The following DAAM2 variants were observed in gnomAD, a reference collection of about 807,000 sequenced individuals.
DAAM2 encodes the protein disheveled-associated activator of morphogenesis 2.
DAAM2 carries 39 observed loss-of-function variants against 120.7 expected under a neutral mutation model. That is an observed-to-expected ratio of 0.32 (90% CI 0.25 to 0.42). The LOEUF is 0.42. DAAM2 is among the 10% of genes least tolerant of loss of function. The pLI, the probability that DAAM2 is intolerant of heterozygous loss-of-function variation, is 1.00. For synonymous variants in DAAM2, 488 were observed against 524.9 expected (o/e 0.93, Z 0.96); for missense variants, 1,283 against 1,401.7 (o/e 0.92, Z 1.35).
At chr6:39,808,574 A>T (rs893224287) in intron 1 of DAAM2, among the ~76,000 whole-genome samples, 1 of 152,268 alleles carries the variant, frequency 6.6e-6, no homozygotes, top group Non-Finnish European at 1.5e-5. Flanking sequence ...CAATGAAGCC[A>T]TGCTGACTTC....
chr6:39,809,965 A>G (rs889531165), intron 1 of DAAM2, among the ~76,000 whole-genome samples: 3 of 152,190 alleles, frequency 2.0e-5, no homozygotes, highest in Non-Finnish European at 4.4e-5. Context: ...CTTCTTTAGA[A>G]TGGAACCTTT....
chr6:39,833,654 A>T (rs1328391590), intron 1 of DAAM2, among the ~76,000 whole-genome samples: 1 of 152,116 alleles, frequency 6.6e-6, no homozygotes, highest in East Asian at 1.9e-4. Flanking sequence ...AGACATCATT[A>T]CCTTGTATCA....
chr6:39,801,106 C>T (rs1347003120), intron 1 of DAAM2, among the ~76,000 whole-genome samples: 1 of 152,100 alleles, frequency 6.6e-6, no homozygotes, highest in Non-Finnish European at 1.5e-5. Context: ...CATGTTAAGT[C>T]CCTGGCACAG....
intron 3 of DAAM2, among the ~76,000 whole-genome samples, chr6:39,863,376 A>C (rs769044308): frequency 6.6e-6 from 1 of 152,160 alleles, no homozygotes; most frequent in Non-Finnish European, 1.5e-5. Context: ...AACCATGTGA[A>C]GTCATAAAGA....
Position 39,888,701 on chromosome 6 carries a change from A to C in DAAM2, c.2083A>C (p.Ile695Leu), listed in dbSNP as rs1342512244. 2 of 1,613,346 alleles carry C rather than the reference A, an allele frequency of 1.2e-6. No individual in the cohort carries two copies. Among genetic ancestry groups the C allele is most frequent in the Admixed American group, 3.3e-5 (2 of 60,004 alleles). The change falls in exon 17 of 25, where the codon ATC (isoleucine) becomes CTC (leucine). Residue 695 changes from isoleucine (I) to leucine (L), a missense_variant. Transcript: ENST00000274867. ...TAGGTTGAAGCTTTCTAACGAGGAG[A>C]TCCGGCAGGCCATCTTGAAGATGGA... Reference protein sequence around the residue: ...LSKLKLSNEEIRQAILKMDEQ... With the variant: ...LSKLKLSNEELRQAILKMDEQ...
chr6:39,839,669 C>G (rs1319721902), intron 1 of DAAM2, among the ~76,000 whole-genome samples: 1 of 152,172 alleles, frequency 6.6e-6, no homozygotes, highest in Admixed American at 6.5e-5. Flanking sequence ...TGATTCCAAG[C>G]TTAGAGCATG....
Position 39,902,134 on chromosome 6 carries a change from GT to G in DAAM2, c.*100del. On this transcript the variant is annotated 3_prime_UTR_variant, in exon 25 of 25. Coordinates refer to ENST00000274867, the MANE Select transcript of DAAM2 (RefSeq NM_001201427.2). ...TGATATTTAAACCATTTGGTGCTTG[GT>G]TTAGAGCCTTGGGCTGGGTCCTGGG... 2 of 1,122,138 alleles carry G rather than the reference GT, an allele frequency of 1.8e-6. No individual in the cohort carries two copies. The highest frequency in any genetic ancestry group is 2.5e-6 in the Non-Finnish European group (2 of 800,418). 69.5% of individuals were successfully genotyped at this position (1,122,138 alleles called of 1,614,324 possible). A position where few individuals can be genotyped will look rare whatever the true frequency, so the allele number is the denominator to read the frequency against.
chr6:39,899,206 T>A (rs181772375), intron 22 of DAAM2, among the ~76,000 whole-genome samples: 1 of 152,204 alleles, frequency 6.6e-6, no homozygotes, highest in Non-Finnish European at 1.5e-5. Flanking sequence ...CATGCCTACA[T>A]TGGATTCAAG....
chr6:39,839,002 G>A (rs1261156460), intron 1 of DAAM2, among the ~76,000 whole-genome samples: 1 of 152,074 alleles, frequency 6.6e-6, no homozygotes, highest in African/African-American at 2.4e-5. Context: ...GACAAACCAC[G>A]ATGAACTGCT....
chr6:39,810,208 G>T (rs1049887415), intron 1 of DAAM2, among the ~76,000 whole-genome samples: 3 of 152,084 alleles, frequency 2.0e-5, no homozygotes, highest in African/African-American at 7.2e-5. Context: ...TTTTAATTGG[G>T]CATGTTGCTG....
At chr6:39,826,884 A>G (rs543794493) in intron 1 of DAAM2, among the ~76,000 whole-genome samples, 37 of 152,224 alleles carry the variant, frequency 2.4e-4, no homozygotes, top group African/African-American at 8.2e-4. Context: ...TCAAGCTTCA[A>G]AGAGAAAATC....
intron 1 of DAAM2, among the ~76,000 whole-genome samples, chr6:39,802,024 AAC>A (rs1761878363): frequency 6.6e-6 from 1 of 152,216 alleles, no homozygotes; most frequent in Admixed American, 6.5e-5. Flanking sequence ...AAGCTATTAT[AAC>A]ACTCTATTTC....
rs78445793 is a variant in DAAM2, at chr6:39,856,872, A to G, written c.168+402A>G. Among the ~76,000 whole-genome samples, 211 of 152,334 alleles carry G rather than the reference A, an allele frequency of 1.4e-3. 10 individuals are homozygous for G. The East Asian group carries it at 0.032, about 23-fold the overall frequency. On this transcript the variant is annotated intron_variant, in intron 2 of 24. Transcript: ENST00000274867. ...TCTTTTAATGTCCGAGGCACAAAGA[A>G]GGGACAGAGTGGGATTCTGTGGGCA... is the stretch of plus-strand genomic sequence containing the variant.
At chr6:39,882,709 ACACACACACG>A (rs1236720574) in intron 14 of DAAM2, among the ~76,000 whole-genome samples, 1 of 21,826 alleles carries the variant, frequency 4.6e-5, no homozygotes, top group South Asian at 2.6e-3. Context: ...GAGCGCACAC[ACACACACACG>A]CACACACACA....
At chr6:39,814,903 C>T (rs1041961010) in intron 1 of DAAM2, among the ~76,000 whole-genome samples, 1 of 152,200 alleles carries the variant, frequency 6.6e-6, no homozygotes, top group African/African-American at 2.4e-5. Context: ...TCAGTATTAG[C>T]CTGATTCAAT....
chr6:39,827,531 G>A lies in DAAM2; in HGVS notation c.-56-28716G>A, dbSNP rs114690490. ...TGCTTCACCACCCCAGGGAATGGTGGCCCTCACTCACGCCTTGGCTCTGTG... is the reference window on the plus strand; with the variant it reads ...TGCTTCACCACCCCAGGGAATGGTGACCCTCACTCACGCCTTGGCTCTGTG... On this transcript the variant is annotated intron_variant, in intron 1 of 24. Coordinates refer to ENST00000274867, the MANE Select transcript of DAAM2 (RefSeq NM_001201427.2). Among the ~76,000 whole-genome samples, 340 of 152,240 alleles carry A rather than the reference G, an allele frequency of 2.2e-3. 3 individuals carry two copies. The highest frequency in any genetic ancestry group is 7.5e-3 in the African/African-American group (311 of 41,540).
intron 1 of DAAM2, among the ~76,000 whole-genome samples, chr6:39,813,582 T>G (rs1762227893): frequency 6.6e-6 from 1 of 152,196 alleles, no homozygotes; most frequent in Non-Finnish European, 1.5e-5. Flanking sequence ...AATTCTCTCC[T>G]TTATTATAAA....
At chr6:39,810,919 G>A (rs1239075627) in intron 1 of DAAM2, among the ~76,000 whole-genome samples, 1 of 152,026 alleles carries the variant, frequency 6.6e-6, no homozygotes, top group African/African-American at 2.4e-5. Context: ...ACACCCTAAG[G>A]GAAGGGATCT....
At position 39,904,025 on chromosome 6, in the gene DAAM2, G is replaced by T. The variant is rs1197369912; in HGVS notation, c.*1988G>T. 2 of 364,986 alleles carry T rather than the reference G, an allele frequency of 5.5e-6. No homozygotes were observed. The highest frequency in any genetic ancestry group is 4.3e-5 in the African/African-American group (2 of 46,858). The allele number at this position is 364,986 out of a possible 1,614,324, so 22.6% of individuals were successfully genotyped here. Reference sequence around the variant, plus strand: ...GAGGTTGTGGGTGAGGCCTCTAAAGGTCCTCTCCCAAACTGACCAGGCTGA... The same window carrying T: ...GAGGTTGTGGGTGAGGCCTCTAAAGTTCCTCTCCCAAACTGACCAGGCTGA... On this transcript the variant is annotated 3_prime_UTR_variant, in exon 25 of 25. Coordinates refer to ENST00000274867, the MANE Select transcript of DAAM2 (RefSeq NM_001201427.2).
Sources: allele counts gnomAD v4.1 joint callset (sites outside exome capture counted in the v4.1 genomes callset), GRCh38; gene constraint gnomAD v4.1.1; transcripts MANE v1.5; gene names NCBI Gene and HGNC (gene_info 2026-07-23, HGNC 2026-07-21).